NPY2R: variants seen among roughly 807,000 people sequenced by gnomAD.
NPY2R encodes the protein neuropeptide Y receptor type 2.
In NPY2R, 17 loss-of-function variants were observed where a neutral mutation model predicts 22.3. That is an observed-to-expected ratio of 0.76 (90% confidence interval 0.52 to 1.14). The LOEUF is 1.14. Among genes scored for constraint, NPY2R ranks in the 50% most tolerant of loss-of-function variants. NPY2R has a pLI of 0.00. For synonymous variants in NPY2R, 209 were observed against 183.4 expected (o/e 1.14, Z -1.13); for missense variants, 424 against 467.9 (o/e 0.91, Z 0.87).
At chr4:155,198,075 T>C in the NPY2R span, among the ~76,000 whole-genome samples, 59 of 152,118 alleles carry the variant, frequency 3.9e-4, no homozygotes, top group African/African-American at 1.4e-3. Context: ...CACAATTTCA[T>C]ACTGACCCTG....
rs2111048306 is a variant in NPY2R, at chr4:155,215,233, G to C, written c.*148G>C. 1.2e-6 allele frequency: 1 copy of C among 815,038 alleles called. No individual in the cohort carries two copies. The highest frequency in any genetic ancestry group is 2.7e-5 in the East Asian group (1 of 37,656). The allele number at this position is 815,038 out of a possible 1,614,324, so 50.5% of individuals were successfully genotyped here. ...TCTGCTGTTTAATTCCTGGAAAACT[G>C]GCTGGGCAGAGCCTGTGTGAAAATA... On this transcript the variant is annotated 3_prime_UTR_variant, in exon 2 of 2. Coordinates refer to ENST00000329476, the MANE Select transcript of NPY2R (RefSeq NM_000910.4).
At position 155,214,561 on chromosome 4, in the gene NPY2R, C is replaced by T; in HGVS notation, c.622C>T (p.Pro208Ser). ...FEIVACTEKWPGEEKSIYGTV... is the reference protein window; with the variant it reads ...FEIVACTEKWSGEEKSIYGTV... ...GATTGTGGCCTGTACTGAAAAGTGG[C>T]CTGGCGAGGAGAAGAGCATCTATGG... Residue 208 changes from proline to serine, a missense_variant, in exon 2 of 2, where the codon CCT becomes TCT. Physicochemically the swap from Pro to Ser is moderately conservative, Grantham distance 74 (BLOSUM62 -1). Transcript: ENST00000329476. 1.9e-6 allele frequency: 3 copies of T among 1,614,150 alleles called. No homozygotes were observed. The highest frequency in any genetic ancestry group is 2.5e-6 in the Non-Finnish European group (3 of 1,180,030).
At chr4:155,210,640 A>G (rs1452787688) in intron 1 of NPY2R, among the ~76,000 whole-genome samples, 2 of 152,046 alleles carry the variant, frequency 1.3e-5, no homozygotes, top group Non-Finnish European at 2.9e-5. Context: ...TTCTCTAATT[A>G]CTAAGGAGTG....
rs746152653 is a variant in NPY2R at position 155,216,144 on chromosome 4, G to T, written c.*1059G>T. The T allele has an allele frequency of 3.5e-4, 59 of 167,048 alleles. No homozygotes were observed. The highest frequency in any genetic ancestry group is 3.4e-3 in the Middle Eastern group (1 of 294). The allele number at this position is 167,048 out of a possible 1,614,324, so 10.3% of individuals were successfully genotyped here. A position where few individuals can be genotyped will look rare whatever the true frequency, so the allele number is the denominator to read the frequency against. Reference sequence around the variant, plus strand: ...TAAAACAATGTAATTACATTAAAATGGACCTATCTGTAAGAGGTACTAAAA... The same window carrying T: ...TAAAACAATGTAATTACATTAAAATTGACCTATCTGTAAGAGGTACTAAAA... On this transcript the variant is annotated 3_prime_UTR_variant, in exon 2 of 2. Coordinates refer to ENST00000329476, the MANE Select transcript of NPY2R (RefSeq NM_000910.4).
rs1453221389 is a variant in NPY2R, at chr4:155,214,777, A to G, written c.838A>G (p.Ser280Gly). The change falls in exon 2 of 2, where the codon AGC becomes GGC. Residue 280 changes from serine (S) to glycine (G), a missense_variant. Physicochemically the swap from Ser to Gly is moderately conservative, Grantham distance 56 (BLOSUM62 0). Transcript: ENST00000329476. ...LVCVVVVFAV[S>G]WLPLHAFQLA... ...GTGTGTGGTGGTGGTGTTTGCGGTCAGCTGGCTGCCTCTCCATGCCTTCCA... is the reference window on the plus strand; with the variant it reads ...GTGTGTGGTGGTGGTGTTTGCGGTCGGCTGGCTGCCTCTCCATGCCTTCCA... 1.9e-6 allele frequency: 3 copies of G among 1,613,898 alleles called. No individual in the cohort carries two copies. In the African/African-American group the frequency reaches 4.0e-5, roughly 22 times the overall value.
the NPY2R span, among the ~76,000 whole-genome samples, chr4:155,201,142 C>T: frequency 2.8e-3 from 428 of 151,992 alleles, 3 homozygotes; most frequent in Middle Eastern, 0.037. Context: ...ATTGTATATA[C>T]GTGCCATTTT....
the NPY2R span, among the ~76,000 whole-genome samples, chr4:155,197,449 C>G: frequency 1.3e-5 from 2 of 151,798 alleles, no homozygotes; most frequent in Non-Finnish European, 2.9e-5. Context: ...TCCTTCTTTC[C>G]TGCCTGCTTT....
At chr4:155,200,761 T>G in the NPY2R span, among the ~76,000 whole-genome samples, 1 of 151,798 alleles carries the variant, frequency 6.6e-6, no homozygotes, top group Non-Finnish European at 1.5e-5. Flanking sequence ...GAACAGAAAA[T>G]CAAACACTGC....
the NPY2R span, among the ~76,000 whole-genome samples, chr4:155,202,230 G>A: frequency 6.6e-6 from 1 of 152,192 alleles, no homozygotes; most frequent in African/African-American, 2.4e-5. Context: ...AAGGGTTGGG[G>A]TACCTCCTCC....
chr4:155,178,481 A>C, the NPY2R span, among the ~76,000 whole-genome samples: 4 of 152,164 alleles, frequency 2.6e-5, no homozygotes, highest in African/African-American at 9.7e-5. Flanking sequence ...TTATAAAGTA[A>C]ATTTTTATAT....
At chr4:155,206,220 T>C (rs1007415416), upstream of NPY2R, among the ~76,000 whole-genome samples, 4 of 152,164 alleles carry the variant, frequency 2.6e-5, no homozygotes, top group African/African-American at 9.7e-5. Flanking sequence ...TGGTTAGAAA[T>C]GGAATTTCCT....
Position 155,215,711 on chromosome 4 carries a change from T to C in NPY2R, c.*626T>C, listed in dbSNP as rs1234177230. ...GATAGGGGAACTCCTCAACACTCAG[T>C]GGGCCAATTGTTCTTAAAACCAATT... On this transcript the variant is annotated 3_prime_UTR_variant, in exon 2 of 2. Transcript: ENST00000329476. 6.0e-6 allele frequency: 1 copy of C among 167,804 alleles called. No homozygotes were observed. The highest frequency in any genetic ancestry group is 1.5e-5 in the Non-Finnish European group (1 of 68,632). The allele number at this position is 167,804 out of a possible 1,614,324, so 10.4% of individuals were successfully genotyped here.
the NPY2R span, among the ~76,000 whole-genome samples, chr4:155,190,516 C>A: frequency 6.6e-6 from 1 of 152,018 alleles, no homozygotes; most frequent in African/African-American, 2.4e-5. Context: ...GAGTAAGGGA[C>A]AGATAGAGTA....
the NPY2R span, among the ~76,000 whole-genome samples, chr4:155,195,170 G>T: frequency 5.3e-5 from 8 of 151,908 alleles, no homozygotes; most frequent in African/African-American, 1.4e-4. Flanking sequence ...AGGAAATAAA[G>T]AACTCTGCAG....
the NPY2R span, among the ~76,000 whole-genome samples, chr4:155,182,136 T>A: frequency 6.6e-6 from 1 of 152,156 alleles, no homozygotes; most frequent in Non-Finnish European, 1.5e-5. Flanking sequence ...ATCAACCATC[T>A]AAGTTATTAT....
Position 155,215,010 on chromosome 4 carries a change from C to G in NPY2R, c.1071C>G (p.Phe357Leu), listed in dbSNP as rs781775528. 1 of 1,614,136 alleles carries G rather than the reference C, an allele frequency of 6.2e-7. No individual in the cohort carries two copies. Residue 357 changes from phenylalanine to leucine, a missense_variant, in exon 2 of 2, where the codon TTC becomes TTG. By Grantham distance (22) the Phe-to-Leu change is conservative. Coordinates refer to ENST00000329476, the MANE Select transcript of NPY2R (RefSeq NM_000910.4). ...DAIHSEVSVT[F>L]KAKKNLEVRK... ...TTCACTCTGAGGTGTCCGTGACATT[C>G]AAGGCTAAAAAGAACCTGGAGGTCA...
At position 155,208,731 on chromosome 4, in the gene NPY2R, T is replaced by C. The variant is rs1729336251; in HGVS notation, c.-387T>C. The C allele has an allele frequency of 6.6e-6, 1 of 152,552 alleles. No homozygotes were observed. The highest frequency in any genetic ancestry group is 2.4e-5 in the African/African-American group (1 of 41,396). The allele number at this position is 152,552 out of a possible 1,614,324, so 9.4% of individuals were successfully genotyped here. A position where few individuals can be genotyped will look rare whatever the true frequency, so the allele number is the denominator to read the frequency against. ...CCATCGCCCGCAGCCTCTGCACCTG[T>C]TTTCTTGTGTTTAAGGGTGGGGTTT... On this transcript the variant is annotated 5_prime_UTR_variant, in exon 1 of 2. Coordinates refer to ENST00000329476, the MANE Select transcript of NPY2R (RefSeq NM_000910.4). The surrounding 1 kb of genome is among the most constrained non-coding windows in gnomAD (Gnocchi z 5.6).
At chr4:155,178,990 T>G in the NPY2R span, among the ~76,000 whole-genome samples, 3 of 152,206 alleles carry the variant, frequency 2.0e-5, no homozygotes, top group East Asian at 5.8e-4. Flanking sequence ...TTTCTATTGC[T>G]TTATCTTTAA....
intron 1 of NPY2R, among the ~76,000 whole-genome samples, chr4:155,209,944 G>T (rs1402547119): frequency 6.6e-6 from 1 of 152,024 alleles, no homozygotes; most frequent in East Asian, 1.9e-4. Context: ...CTCGGGTGGT[G>T]GGCTGCTGGG....
Sources: allele counts gnomAD v4.1 joint callset (sites outside exome capture counted in the v4.1 genomes callset), GRCh38; gene constraint gnomAD v4.1.1; non-coding constraint Gnocchi (gnomAD v3.1); transcripts MANE v1.5; gene names NCBI Gene and HGNC (gene_info 2026-07-23, HGNC 2026-07-21).